FKBP9: variants seen among roughly 807,000 people sequenced by gnomAD.
FKBP9 encodes the protein FKBP prolyl isomerase 9, also known as peptidyl-prolyl cis-trans isomerase FKBP9.
A neutral mutation model predicts 55.6 loss-of-function variants in FKBP9; 27 were observed. The observed-to-expected ratio is 0.49, with a 90% confidence interval of 0.36 to 0.67. The LOEUF is 0.67. Among genes scored for constraint, FKBP9 ranks in the 30% least tolerant of loss-of-function variants. FKBP9 has a pLI of 0.00. For synonymous variants in FKBP9, 267 were observed against 296.5 expected (o/e 0.90, Z 1.02); for missense variants, 539 against 742.8 (o/e 0.73, Z 3.19).
chr7:32,977,802 CTT>C (rs1491321785), intron 4 of FKBP9, among the ~76,000 whole-genome samples: 2 of 99,990 alleles, frequency 2.0e-5, no homozygotes, highest in Admixed American at 1.1e-4. Context: ...TATATATATA[CTT>C]ATATATATAT....
rs1237432697 is a variant in FKBP9, at chr7:32,974,817, T to C, written c.367+55T>C. On this transcript the variant is annotated intron_variant, in intron 2 of 9. Coordinates refer to ENST00000242209, the MANE Select transcript of FKBP9 (RefSeq NM_007270.5). Reference sequence around the variant, plus strand: ...GTCAGCAGAAACAATGAGAACACTTTTAGGATGTTAAGTCAAACAGACTGG... The same window carrying C: ...GTCAGCAGAAACAATGAGAACACTTCTAGGATGTTAAGTCAAACAGACTGG... The C allele has an allele frequency of 7.4e-6, 11 of 1,495,424 alleles. No homozygotes were observed. In the Admixed American group the frequency reaches 1.0e-4, roughly 14 times the overall value. The allele number at this position is 1,495,424 out of a possible 1,614,324, so 92.6% of individuals were successfully genotyped here.
intron 5 of FKBP9, among the ~76,000 whole-genome samples, chr7:32,983,182 C>A (rs1189299764): frequency 6.6e-6 from 1 of 152,066 alleles, no homozygotes; most frequent in Non-Finnish European, 1.5e-5. Flanking sequence ...AGCCACCACT[C>A]CCAGCTAATT....
At chr7:32,999,368 T>C (rs1784883786) in intron 7 of FKBP9, among the ~76,000 whole-genome samples, 2 of 152,112 alleles carry the variant, frequency 1.3e-5, no homozygotes, top group African/African-American at 2.4e-5. Context: ...TGGCATAGAT[T>C]TTGGCGTAGA....
intron 1 of FKBP9, among the ~76,000 whole-genome samples, chr7:32,960,885 A>G: frequency 6.6e-6 from 1 of 152,242 alleles, no homozygotes; most frequent in East Asian, 1.9e-4. Context: ...GCCTTCACAT[A>G]TGTTAACTCA....
intron 9 of FKBP9, 115 bp downstream of exon 9, chr7:33,002,954 G>A (rs1241002420): frequency 3.0e-6 from 3 of 1,006,872 alleles, no homozygotes; most frequent in East Asian, 5.2e-5. Context: ...CTGGCTGGAG[G>A]GCTTGTGAGA....
At chr7:32,986,780 G>A (rs559108781) in intron 5 of FKBP9, among the ~76,000 whole-genome samples, 1 of 152,178 alleles carries the variant, frequency 6.6e-6, no homozygotes, top group Non-Finnish European at 1.5e-5. Context: ...CTTCTTCTCC[G>A]GGGCATCATG....
At chr7:32,987,398 G>T (rs1446139461) in intron 5 of FKBP9, among the ~76,000 whole-genome samples, 2 of 151,636 alleles carry the variant, frequency 1.3e-5, no homozygotes, top group African/African-American at 4.9e-5. Flanking sequence ...GAGGGGCTGA[G>T]GTGGAAGGAT....
At position 32,957,590 on chromosome 7, in the gene FKBP9, G is replaced by T; in HGVS notation, c.17G>T (p.Trp6Leu). Residue 6 changes from tryptophan (W) to leucine (L), a missense_variant, in exon 1 of 10, where the codon TGG (tryptophan) becomes TTG (leucine). Transcript: ENST00000242209. ...GCCGCCCCGATGGCGTTCCGGGGCTGGAGGCCCCCGCCGCCACCGCTGCTC... is the reference window on the plus strand; with the variant it reads ...GCCGCCCCGATGGCGTTCCGGGGCTTGAGGCCCCCGCCGCCACCGCTGCTC... MAFRG[W>L]RPPPPPLLLL... 1 of 1,472,352 alleles carries T rather than the reference G, an allele frequency of 6.8e-7. No homozygotes were observed. The highest frequency in any genetic ancestry group is 8.9e-7 in the Non-Finnish European group (1 of 1,120,932). The allele number at this position is 1,472,352 out of a possible 1,614,324, so 91.2% of individuals were successfully genotyped here.
chr7:32,974,564 G>A, intron 1 of FKBP9, 53 bp from the exon 2 acceptor site: 1 of 1,537,826 alleles, frequency 6.5e-7, no homozygotes, highest in Non-Finnish European at 8.9e-7. Flanking sequence ...TTTTTACTGA[G>A]GAAGGGACTA....
chr7:32,961,139 T>G (rs1255777868), intron 1 of FKBP9, among the ~76,000 whole-genome samples: 2 of 152,224 alleles, frequency 1.3e-5, no homozygotes, highest in African/African-American at 4.8e-5. Context: ...AACTATATAT[T>G]TTTGTGTCTG....
Position 33,000,130 on chromosome 7 carries a change from A to G in FKBP9, c.1242A>G (p.Lys414=), listed in dbSNP as rs1375135249. 6.2e-7 allele frequency: 1 copy of G among 1,614,164 alleles called. No individual in the cohort carries two copies. Among genetic ancestry groups the G allele is most frequent in the East Asian group, 2.2e-5 (1 of 44,882 alleles). ...TLLDSTWNLG[K]TYNIVLGSGQ... is the part of the protein sequence containing the mutation. ...TTCATTTTAGGTGGAATTTAGGCAA[A>G]ACTTACAATATTGTTCTGGGATCTG... Residue 414 remains lysine (K), a synonymous_variant, in exon 8 of 10, where the codon AAA becomes AAG. Coordinates refer to ENST00000242209, the MANE Select transcript of FKBP9 (RefSeq NM_007270.5).
At chr7:32,972,066 G>A (rs1168590083) in intron 1 of FKBP9, among the ~76,000 whole-genome samples, 1 of 152,134 alleles carries the variant, frequency 6.6e-6, no homozygotes, top group East Asian at 1.9e-4. Flanking sequence ...TGTGTTCTGT[G>A]CTTGGGAGTC....
intron 5 of FKBP9, 26 bp from the exon 6 acceptor site, chr7:32,988,481 T>A (rs1784617409): frequency 2.5e-6 from 4 of 1,613,134 alleles, no homozygotes; most frequent in Non-Finnish European, 3.4e-6. Flanking sequence ...ATGAATGACC[T>A]CTTTCTTTCC....
At chr7:32,957,973 C>G (rs1408064370) in intron 1 of FKBP9, among the ~76,000 whole-genome samples, 179 bp downstream of exon 1, 1 of 152,250 alleles carries the variant, frequency 6.6e-6, no homozygotes, top group Non-Finnish European at 1.5e-5. Flanking sequence ...GCCTCCCGGC[C>G]CTCACGTGCC....
At chr7:32,963,329 T>C (rs1306691987) in intron 1 of FKBP9, among the ~76,000 whole-genome samples, 1 of 151,492 alleles carries the variant, frequency 6.6e-6, no homozygotes, top group African/African-American at 2.4e-5. Context: ...CTAGGTGTTG[T>C]GGACTTTGGT....
At chr7:32,991,576 G>A (rs1784683867) in intron 6 of FKBP9, among the ~76,000 whole-genome samples, 1 of 151,900 alleles carries the variant, frequency 6.6e-6, no homozygotes, top group East Asian at 1.9e-4. Flanking sequence ...TGGAAGGAAT[G>A]AATTGTGGGC....
chr7:32,977,804 T>C (rs1036905439), intron 4 of FKBP9, among the ~76,000 whole-genome samples: 1 of 133,172 alleles, frequency 7.5e-6, no homozygotes, highest in East Asian at 3.0e-4. Context: ...TATATATACT[T>C]ATATATATAT....
intron 1 of FKBP9, among the ~76,000 whole-genome samples, chr7:32,960,364 C>T (rs1273777142): frequency 1.3e-5 from 2 of 152,120 alleles, no homozygotes; most frequent in Non-Finnish European, 2.9e-5. Context: ...ATCTGCCCAC[C>T]TCGGCCTCCC....
intron 1 of FKBP9, among the ~76,000 whole-genome samples, chr7:32,962,617 G>A (rs1784048596): frequency 6.6e-6 from 1 of 151,838 alleles, no homozygotes; most frequent in Non-Finnish European, 1.5e-5. Context: ...GGGATTACAG[G>A]TGTGCAACAC....
Sources: gnomAD v4.1 joint callset for allele counts (sites outside exome capture counted in the v4.1 genomes callset) on GRCh38, gnomAD v4.1.1 for gene constraint, MANE v1.5 for transcripts, NCBI Gene and HGNC (gene_info 2026-07-23, HGNC 2026-07-21) for gene names.